SEMA5A: variants seen among roughly 807,000 people sequenced by gnomAD.
SEMA5A encodes the protein semaphorin-5A.
Under a neutral mutation model 135.5 loss-of-function variants are expected in SEMA5A, and 55 were observed. The ratio of observed to expected loss-of-function variants is 0.41; its 90% CI spans 0.33 to 0.51. SEMA5A has a LOEUF of 0.51. Among genes scored for constraint, SEMA5A ranks in the 20% least tolerant of loss-of-function variants. The pLI is 0.37. For missense variants in SEMA5A, 1,290 were observed against 1,419.9 expected (o/e 0.91, Z 1.47); for synonymous variants, 580 against 546.5 (o/e 1.06, Z -0.85).
Position 9,036,856 on chromosome 5 carries a change from T to TTAAAC in SEMA5A, c.*6036_*6040dup, listed in dbSNP as rs1465142899. 1 of 152,748 alleles carries TTAAAC rather than the reference T, an allele frequency of 6.5e-6. No homozygotes were observed. The highest frequency in any genetic ancestry group is 1.9e-4 in the East Asian group (1 of 5,186). 9.5% of individuals were successfully genotyped at this position (152,748 alleles called of 1,614,324 possible). On this transcript the variant is annotated 3_prime_UTR_variant, in exon 23 of 23. Coordinates refer to ENST00000382496, the MANE Select transcript of SEMA5A (RefSeq NM_003966.3). The stretch of plus-strand genomic sequence containing the variant: ...GGCACTAGCAACTTTTTCTAGGAAA[T>TTAAAC]TAAACTACCGCACTTACAGAGAGGG...
chr5:9,330,585 T>G (rs936319825), intron 4 of SEMA5A, among the ~76,000 whole-genome samples: 1 of 152,104 alleles, frequency 6.6e-6, no homozygotes, highest in Non-Finnish European at 1.5e-5. Flanking sequence ...ATCTTAATTT[T>G]GAACAAATGT....
At chr5:9,388,628 G>T in intron 2 of SEMA5A, among the ~76,000 whole-genome samples, 1 of 152,176 alleles carries the variant, frequency 6.6e-6, no homozygotes, top group Admixed American at 6.5e-5. Context: ...GGCCGCGCGT[G>T]GTGGCTCACG....
intron 12 of SEMA5A, among the ~76,000 whole-genome samples, chr5:9,146,347 C>T (rs1253073674): frequency 6.6e-6 from 1 of 152,146 alleles, no homozygotes; most frequent in Non-Finnish European, 1.5e-5. Flanking sequence ...TATAATGTTG[C>T]TGTGCTTTAT....
At chr5:9,222,171 T>C (rs754974886) in intron 8 of SEMA5A, among the ~76,000 whole-genome samples, 1 of 152,148 alleles carries the variant, frequency 6.6e-6, no homozygotes, top group Admixed American at 6.5e-5. Flanking sequence ...ATGCAAAGCC[T>C]GTGTCCCAAT....
chr5:9,494,865 G>A lies in SEMA5A; in HGVS notation c.-175+50719C>T, dbSNP rs182748977. On this transcript the variant is annotated intron_variant, in intron 1 of 22. Transcript: ENST00000382496. ...GCATATATCAGTGGCATCAAATCAC[G>A]TACAAAAAATTATGCTTTCCAAAGT... is the stretch of plus-strand genomic sequence containing the variant. 1.3e-3 allele frequency among the ~76,000 whole-genome samples: 203 copies of A among 152,262 alleles called. 2 individuals carry two copies. Among genetic ancestry groups the A allele is most frequent in the Non-Finnish European group, 2.4e-4 (16 of 68,010 alleles).
intron 3 of SEMA5A, among the ~76,000 whole-genome samples, chr5:9,373,118 A>G (rs42193): frequency 0.32 from 48,881 of 152,068 alleles, 8,058 homozygotes; most frequent in South Asian, 0.36. Flanking sequence ...GTGAGTGAAT[A>G]CGAGAAAGAG....
In SEMA5A at chr5:9,043,029, T is replaced by TC; in HGVS notation, c.3106-14_3106-13insG. The TC allele has an allele frequency of 1.4e-6, 2 of 1,458,992 alleles. No homozygotes were observed. The highest frequency in any genetic ancestry group is 1.8e-6 in the Non-Finnish European group (2 of 1,110,292). 90.4% of individuals were successfully genotyped at this position (1,458,992 alleles called of 1,614,324 possible). A position where few individuals can be genotyped will look rare whatever the true frequency, so the allele number is the denominator to read the frequency against. ...TTTTGTTAAATGCCTGGAAAATATATTAAAAAAAAACAGGTTTAAGAATGC... is the reference window on the plus strand; with the variant it reads ...TTTTGTTAAATGCCTGGAAAATATATCTAAAAAAAAACAGGTTTAAGAATGC... On this transcript the variant is annotated splice_polypyrimidine_tract_variant and intron_variant, in intron 22 of 22. Transcript: ENST00000382496.
chr5:9,152,533 G>A (rs922481148), intron 12 of SEMA5A, among the ~76,000 whole-genome samples: 2 of 152,090 alleles, frequency 1.3e-5, no homozygotes, highest in African/African-American at 4.8e-5. Context: ...GGAGGTTCCT[G>A]GCATTATTCC....
chr5:9,402,495 C>T (rs1756700795), intron 2 of SEMA5A, among the ~76,000 whole-genome samples: 1 of 152,078 alleles, frequency 6.6e-6, no homozygotes. Flanking sequence ...CTAAGAAGTA[C>T]CATCTACCTG....
At chr5:9,278,126 A>G (rs77522896) in intron 5 of SEMA5A, among the ~76,000 whole-genome samples, 8 of 151,780 alleles carry the variant, frequency 5.3e-5, no homozygotes, top group African/African-American at 7.3e-5. Context: ...AAAAAAAAAA[A>G]AAGAAGTCCC....
At chr5:9,162,998 T>C (rs754553948) in intron 11 of SEMA5A, among the ~76,000 whole-genome samples, 3 of 152,158 alleles carry the variant, frequency 2.0e-5, no homozygotes, top group Non-Finnish European at 4.4e-5. Context: ...AGTAATAGTA[T>C]AGATTGTGAG....
intron 8 of SEMA5A, among the ~76,000 whole-genome samples, chr5:9,206,409 A>G (rs1029943745): frequency 7.2e-5 from 11 of 152,176 alleles, no homozygotes; most frequent in Non-Finnish European, 1.5e-4. Flanking sequence ...GACCATACAG[A>G]TAGGACTACC....
At chr5:9,136,905 A>G (rs562015765) in intron 12 of SEMA5A, among the ~76,000 whole-genome samples, 85 of 152,350 alleles carry the variant, frequency 5.6e-4, no homozygotes, top group Non-Finnish European at 8.8e-4. Flanking sequence ...TGTCATAAAT[A>G]GTGCTAAAAT....
chr5:9,202,920 G>A (rs1161867519), intron 8 of SEMA5A, among the ~76,000 whole-genome samples: 2 of 152,142 alleles, frequency 1.3e-5, no homozygotes, highest in Non-Finnish European at 2.9e-5. Flanking sequence ...AGAGTATGGG[G>A]ATGGAGACAT....
chr5:9,418,384 A>G (rs899644976), intron 2 of SEMA5A, among the ~76,000 whole-genome samples: 1 of 152,186 alleles, frequency 6.6e-6, no homozygotes, highest in Non-Finnish European at 1.5e-5. Flanking sequence ...GGGTGTTAGG[A>G]TTTCAACATA....
At chr5:9,474,957 AT>A (rs1256044096) in intron 1 of SEMA5A, among the ~76,000 whole-genome samples, 1 of 152,058 alleles carries the variant, frequency 6.6e-6, no homozygotes, top group Non-Finnish European at 1.5e-5. Flanking sequence ...TTACTTATTT[AT>A]TTAGAAACCG....
chr5:9,060,737 C>T (rs932372717), intron 18 of SEMA5A, among the ~76,000 whole-genome samples: 1 of 152,082 alleles, frequency 6.6e-6, no homozygotes, highest in East Asian at 1.9e-4. Context: ...GGAGCCTCAG[C>T]TACAAATCTG....
At chr5:9,174,543 C>T (rs1016319040) in intron 11 of SEMA5A, among the ~76,000 whole-genome samples, 1 of 152,206 alleles carries the variant, frequency 6.6e-6, no homozygotes, top group Non-Finnish European at 1.5e-5. Flanking sequence ...AGGATGCACC[C>T]ATTCCTTCCA....
intron 1 of SEMA5A, among the ~76,000 whole-genome samples, chr5:9,481,279 C>T (rs143025082): frequency 1.2e-3 from 177 of 152,218 alleles, no homozygotes; most frequent in African/African-American, 3.9e-3. Context: ...TCTGGTGAAG[C>T]AAATCCAAGA....
Sources: allele counts gnomAD v4.1 joint callset (sites outside exome capture counted in the v4.1 genomes callset), GRCh38; gene constraint gnomAD v4.1.1; transcripts MANE v1.5; gene names NCBI Gene and HGNC (gene_info 2026-07-23, HGNC 2026-07-21).